Variants in CDC73 observed in about 807,000 individuals in gnomAD.
CDC73 encodes parafibromin.
In CDC73, 21 loss-of-function variants were observed where a neutral mutation model predicts 83.7. That is an observed-to-expected ratio of 0.25 (90% CI 0.18 to 0.36). The LOEUF (loss-of-function observed/expected upper bound fraction) is 0.36. Ranked by LOEUF, CDC73 falls within the 10% of genes least tolerant of loss-of-function variation. CDC73 has a pLI of 1.00. For synonymous variants in CDC73, 224 were observed against 212.9 expected (o/e 1.05, Z -0.45); for missense variants, 342 against 653.3 (o/e 0.52, Z 5.19).
chr1:193,206,385 C>T (rs1446756194), intron 11 of CDC73, among the ~76,000 whole-genome samples: 1 of 152,212 alleles, frequency 6.6e-6, no homozygotes, highest in Non-Finnish European at 1.5e-5. Flanking sequence ...CATACATCCA[C>T]ATTTCCTACC....
chr1:193,240,566 A>G (rs778707541), intron 15 of CDC73, among the ~76,000 whole-genome samples: 3 of 152,148 alleles, frequency 2.0e-5, no homozygotes, highest in Non-Finnish European at 4.4e-5. Flanking sequence ...GTAAGATGAT[A>G]TTTCATCGTG....
intron 13 of CDC73, among the ~76,000 whole-genome samples, chr1:193,223,444 C>G (rs556574991): frequency 6.6e-6 from 1 of 152,184 alleles, no homozygotes; most frequent in Admixed American, 6.5e-5. Flanking sequence ...TACTGTTGTT[C>G]TTGCTGCAAA....
intron 13 of CDC73, among the ~76,000 whole-genome samples, chr1:193,219,973 A>C (rs1677437961): frequency 6.6e-6 from 1 of 152,180 alleles, no homozygotes; most frequent in South Asian, 2.1e-4. Context: ...GTCTTCTACA[A>C]GAGTCAAGGC....
At chr1:193,172,027 T>C (rs1676525403) in intron 10 of CDC73, among the ~76,000 whole-genome samples, 1 of 152,026 alleles carries the variant, frequency 6.6e-6, no homozygotes, top group Non-Finnish European at 1.5e-5. Flanking sequence ...TGGATTCAAG[T>C]GATTTTCCTG....
At chr1:193,206,522 TA>T (rs1209044032) in intron 11 of CDC73, among the ~76,000 whole-genome samples, 1 of 152,232 alleles carries the variant, frequency 6.6e-6, no homozygotes, top group Non-Finnish European at 1.5e-5. Context: ...CCAAAACTGT[TA>T]AATGCATCTG....
chr1:193,163,505 C>T (rs1052562099), intron 10 of CDC73, among the ~76,000 whole-genome samples: 3 of 151,138 alleles, frequency 2.0e-5, no homozygotes, highest in Non-Finnish European at 4.4e-5. Flanking sequence ...AGACCCTGCC[C>T]GCCCCCCAAA....
chr1:193,220,093 A>G (rs979044263), intron 13 of CDC73, among the ~76,000 whole-genome samples: 2 of 152,142 alleles, frequency 1.3e-5, no homozygotes, highest in Admixed American at 6.5e-5. Flanking sequence ...TCAGCAACAT[A>G]ATAAATACCC....
chr1:193,210,719 GT>G (rs1291941780), intron 11 of CDC73, among the ~76,000 whole-genome samples: 1 of 152,036 alleles, frequency 6.6e-6, no homozygotes, highest in Non-Finnish European at 1.5e-5. Flanking sequence ...GCGAGACCCT[GT>G]TTTTGTTAAA....
chr1:193,238,351 G>A (rs1445367036), intron 15 of CDC73, among the ~76,000 whole-genome samples: 1 of 152,018 alleles, frequency 6.6e-6, no homozygotes, highest in Non-Finnish European at 1.5e-5. Context: ...GGAAAGAATT[G>A]TCTCTACCAA....
intron 10 of CDC73, among the ~76,000 whole-genome samples, chr1:193,195,722 T>A (rs551182623): frequency 3.3e-5 from 5 of 152,302 alleles, no homozygotes; most frequent in African/African-American, 7.2e-5. Flanking sequence ...TGAAGTAATG[T>A]CTTATGGTAT....
In CDC73 at chr1:193,250,822, T is replaced by A; in HGVS notation, c.*110T>A. On this transcript the variant is annotated 3_prime_UTR_variant, in exon 17 of 17. Transcript: ENST00000367435. Reference sequence around the variant, plus strand: ...TGATCTTTTATAAGACCTTATTTGATGCTTTGTGCTTCAAGGAGATGATAC... The same window carrying A: ...TGATCTTTTATAAGACCTTATTTGAAGCTTTGTGCTTCAAGGAGATGATAC... 1.0e-6 allele frequency: 1 copy of A among 984,708 alleles called. No individual in the cohort carries two copies. The highest frequency in any genetic ancestry group is 1.6e-6 in the Non-Finnish European group (1 of 622,508). 61.0% of individuals were successfully genotyped at this position (984,708 alleles called of 1,614,324 possible).
At position 193,125,806 on chromosome 1, in the gene CDC73, A is replaced by G. The variant is rs1259275007; in HGVS notation, c.237+589A>G. ...TGGTAGTAGGTATCATTTGGAATGG[A>G]TAGCTTCCCTCATGGGTTTCAAATC... is the stretch of plus-strand genomic sequence containing the variant. On this transcript the variant is annotated intron_variant, in intron 2 of 16. Transcript: ENST00000367435. Among the ~76,000 whole-genome samples the G allele has an allele frequency of 2.0e-5, 3 of 150,592 alleles. No individual in the cohort carries two copies. In the East Asian group the frequency reaches 5.8e-4, roughly 29 times the overall value.
At chr1:193,219,731 G>C (rs1677433615) in intron 13 of CDC73, among the ~76,000 whole-genome samples, 1 of 152,176 alleles carries the variant, frequency 6.6e-6, no homozygotes, top group Non-Finnish European at 1.5e-5. Flanking sequence ...GGGCCTACTT[G>C]AGGGTGGAAG....
intron 10 of CDC73, among the ~76,000 whole-genome samples, chr1:193,199,627 C>G (rs2103174530): frequency 6.6e-6 from 1 of 150,686 alleles, no homozygotes; most frequent in Non-Finnish European, 1.5e-5. Context: ...GCAGGAGACT[C>G]TCGAGCTTGG....
chr1:193,189,810 A>G lies in CDC73; in HGVS notation c.973-13985A>G, dbSNP rs572605928. ...GTTAATGGTTTTGAATGATTATTAC[A>G]TGTTGAATCAGATGTAAATCTGCTG... On this transcript the variant is annotated intron_variant, in intron 10 of 16. Coordinates refer to ENST00000367435, the MANE Select transcript of CDC73 (RefSeq NM_024529.5). 3.3e-5 allele frequency among the ~76,000 whole-genome samples: 5 copies of G among 152,366 alleles called. No homozygotes were observed. In the East Asian group the frequency reaches 7.7e-4, roughly 23 times the overall value.
chr1:193,172,810 A>G (rs529347954), intron 10 of CDC73, among the ~76,000 whole-genome samples: 6 of 152,302 alleles, frequency 3.9e-5, no homozygotes, highest in Non-Finnish European at 7.4e-5. Flanking sequence ...TAAGACTATA[A>G]GATTATTGTT....
chr1:193,232,929 G>C (rs1388465995), intron 13 of CDC73, 64 bp from the exon 14 acceptor site: 1 of 1,380,384 alleles, frequency 7.2e-7, no homozygotes, highest in Non-Finnish European at 1.0e-6. Flanking sequence ...TCAAATTATA[G>C]TTTATCTTCC....
chr1:193,122,774 G>T (rs1675484359), intron 1 of CDC73, among the ~76,000 whole-genome samples: 1 of 151,952 alleles, frequency 6.6e-6, no homozygotes, highest in Admixed American at 6.6e-5. Flanking sequence ...GCAACTCCTG[G>T]TTTATTTCAT....
chr1:193,172,464 C>CCAA (rs1231736909), intron 10 of CDC73, among the ~76,000 whole-genome samples: 1 of 152,028 alleles, frequency 6.6e-6, no homozygotes, highest in East Asian at 1.9e-4. Context: ...AATTAGTGAG[C>CCAA]CAACCTTCCT....
Sources: gnomAD v4.1 joint callset for allele counts (sites outside exome capture counted in the v4.1 genomes callset) on GRCh38, gnomAD v4.1.1 for gene constraint, MANE v1.5 for transcripts, NCBI Gene and HGNC (gene_info 2026-07-23, HGNC 2026-07-21) for gene names.